Variants in ALK observed in about 807,000 individuals in gnomAD.
ALK encodes the protein ALK receptor tyrosine kinase.
ALK carries 74 observed loss-of-function variants against 163.1 expected under a neutral mutation model. That is an observed-to-expected ratio of 0.45 (90% confidence interval 0.38 to 0.55). The LOEUF (loss-of-function observed/expected upper bound fraction) is 0.55, where lower values mean the gene tolerates loss of function less well. Among genes scored for constraint, ALK ranks in the 20% least tolerant of loss-of-function variants. The pLI is 0.00. For synonymous variants in ALK, 960 were observed against 843.2 expected, an observed-to-expected ratio of 1.14 and a Z score of -2.40; for missense variants, 2,063 against 2,105.3, an observed-to-expected ratio of 0.98 and a Z score of 0.39.
At chr2:29,752,442 C>T (rs1428397537) in intron 1 of ALK, among the ~76,000 whole-genome samples, 1 of 150,296 alleles carries the variant, frequency 6.7e-6, no homozygotes, top group Non-Finnish European at 1.5e-5. Flanking sequence ...CTCCGCCTCC[C>T]GGGTTCACGC....
At chr2:29,308,862 C>T (rs1326615624) in intron 8 of ALK, among the ~76,000 whole-genome samples, 2 of 151,044 alleles carry the variant, frequency 1.3e-5, no homozygotes, top group East Asian at 1.9e-4. Flanking sequence ...AAACAGACTA[C>T]GACAGGGTGA....
At chr2:29,687,531 T>C (rs1021727384) in intron 3 of ALK, among the ~76,000 whole-genome samples, 1 of 151,674 alleles carries the variant, frequency 6.6e-6, no homozygotes, top group African/African-American at 2.4e-5. Context: ...TATTCCTTTG[T>C]ATTAAAAAAA....
intron 3 of ALK, among the ~76,000 whole-genome samples, chr2:29,671,945 A>C (rs1263739369): frequency 5.9e-5 from 9 of 151,944 alleles, no homozygotes; most frequent in Non-Finnish European, 1.2e-4. Context: ...AATATGTAAA[A>C]ATTCTAATGA....
rs1261649311 is a variant in ALK at position 29,825,713 on chromosome 2, G to GT, written c.667+94279dup. ...TTGTCTTGAAAAGATCATTTTGTGT[G>GT]TTTTTTTTTTTAAATCGTTGTGTAC... On this transcript the variant is annotated intron_variant, in intron 1 of 28. Transcript: ENST00000389048. Among the ~76,000 whole-genome samples the GT allele has an allele frequency of 6.2e-3, 716 of 115,844 alleles. 4 individuals are homozygous for GT. Among genetic ancestry groups the GT allele is most frequent in the Non-Finnish European group, 7.5e-3 (381 of 51,110 alleles). The allele number at this position is 115,844 out of a possible 152,430, so 76.0% of individuals were successfully genotyped here. A position where few individuals can be genotyped will look rare whatever the true frequency, so the allele number is the denominator to read the frequency against.
intron 5 of ALK, among the ~76,000 whole-genome samples, chr2:29,360,592 G>C (rs956578656): frequency 6.6e-6 from 1 of 152,166 alleles, no homozygotes; most frequent in African/African-American, 2.4e-5. Flanking sequence ...TGTGGTAGGT[G>C]TTAGGTGATG....
chr2:29,276,696 A>C (rs1665556628), intron 9 of ALK, among the ~76,000 whole-genome samples: 1 of 152,186 alleles, frequency 6.6e-6, no homozygotes. Context: ...TGGACCTCAA[A>C]GACGTGATGC....
chr2:29,794,803 C>T (rs1340736430), intron 1 of ALK, among the ~76,000 whole-genome samples: 1 of 152,040 alleles, frequency 6.6e-6, no homozygotes, highest in Non-Finnish European at 1.5e-5. Flanking sequence ...CAATGATCAC[C>T]AATCACATAT....
At chr2:29,746,876 T>C (rs1247335669) in intron 1 of ALK, among the ~76,000 whole-genome samples, 1 of 152,244 alleles carries the variant, frequency 6.6e-6, no homozygotes, top group Non-Finnish European at 1.5e-5. Context: ...CTACTCATAA[T>C]GTTTGTGCAG....
intron 3 of ALK, among the ~76,000 whole-genome samples, chr2:29,609,187 G>T (rs1361055119): frequency 2.6e-5 from 4 of 152,210 alleles, no homozygotes; most frequent in Non-Finnish European, 5.9e-5. Context: ...GCCTCCCAGA[G>T]TGCTGGGATT....
At chr2:29,264,691 C>A (rs1412886467) in intron 11 of ALK, among the ~76,000 whole-genome samples, 1 of 152,196 alleles carries the variant, frequency 6.6e-6, no homozygotes, top group Non-Finnish European at 1.5e-5. Flanking sequence ...CATCTCCAAA[C>A]CCACCTGAGT....
intron 1 of ALK, among the ~76,000 whole-genome samples, chr2:29,741,778 T>C (rs751291639): frequency 1.3e-5 from 2 of 152,150 alleles, no homozygotes; most frequent in Non-Finnish European, 2.9e-5. Flanking sequence ...CTGGGGCAAG[T>C]TGAAGGTGCC....
chr2:29,787,133 C>T (rs1664056169), intron 1 of ALK, among the ~76,000 whole-genome samples: 1 of 152,188 alleles, frequency 6.6e-6, no homozygotes, highest in Admixed American at 6.5e-5. Flanking sequence ...GAAGCCCCCT[C>T]AACAGAAAGA....
intron 11 of ALK, among the ~76,000 whole-genome samples, chr2:29,259,929 A>C (rs1450334619): frequency 6.6e-6 from 1 of 152,152 alleles, no homozygotes; most frequent in Non-Finnish European, 1.5e-5. Context: ...AAAAAGAAAA[A>C]AATACTTTGG....
At chr2:29,578,601 G>A (rs1674591327) in intron 3 of ALK, among the ~76,000 whole-genome samples, 1 of 152,178 alleles carries the variant, frequency 6.6e-6, no homozygotes. Flanking sequence ...GCATTCTCTG[G>A]CTTTCTTCCT....
At chr2:29,497,298 A>G (rs1672054573) in intron 4 of ALK, among the ~76,000 whole-genome samples, 1 of 151,302 alleles carries the variant, frequency 6.6e-6, no homozygotes, top group Non-Finnish European at 1.5e-5. Context: ...AAATCTGATG[A>G]TTGTGGTCAT....
intron 5 of ALK, among the ~76,000 whole-genome samples, chr2:29,360,359 T>G (rs1668358005): frequency 1.3e-5 from 2 of 152,202 alleles, no homozygotes; most frequent in African/African-American, 4.8e-5. Flanking sequence ...GATAATGCAC[T>G]GCTGTCCTGC....
intron 3 of ALK, among the ~76,000 whole-genome samples, chr2:29,667,126 A>G (rs991756742): frequency 6.6e-6 from 1 of 152,156 alleles, no homozygotes; most frequent in African/African-American, 2.4e-5. Context: ...TATTGTGAAT[A>G]GTGTTGCAAT....
chr2:29,475,031 A>G (rs63503561), intron 4 of ALK, among the ~76,000 whole-genome samples: 1 of 123,424 alleles, frequency 8.1e-6, no homozygotes, highest in Non-Finnish European at 1.7e-5. Flanking sequence ...GCTCCTGTGT[A>G]CCCCCTGCTC....
chr2:29,326,229 T>C (rs961468009), intron 6 of ALK, among the ~76,000 whole-genome samples: 12 of 152,126 alleles, frequency 7.9e-5, no homozygotes, highest in Admixed American at 3.9e-4. Context: ...AGGAAACCAG[T>C]AGTGGTAAGC....
Sources: gnomAD v4.1 joint callset for allele counts (sites outside exome capture counted in the v4.1 genomes callset) on GRCh38, gnomAD v4.1.1 for gene constraint, MANE v1.5 for transcripts, NCBI Gene and HGNC (gene_info 2026-07-23, HGNC 2026-07-21) for gene names.